Variants in DCC observed in about 807,000 individuals in gnomAD.
The protein encoded by DCC is DCC netrin 1 receptor.
Under a neutral mutation model 172.5 loss-of-function variants are expected in DCC, and 58 were observed. That is an observed-to-expected ratio of 0.34 (90% CI 0.27 to 0.42). The LOEUF (loss-of-function observed/expected upper bound fraction) is 0.42. DCC is among the 10% of genes least tolerant of loss of function. The pLI is 1.00. For synonymous variants in DCC, 709 were observed against 644.5 expected (o/e 1.10, Z -1.52); for missense variants, 1,740 against 1,791.0 (o/e 0.97, Z 0.51).
At chr18:52,551,652 A>G (rs1417985244) in intron 1 of DCC, among the ~76,000 whole-genome samples, 1 of 151,866 alleles carries the variant, frequency 6.6e-6, no homozygotes, top group Non-Finnish European at 1.5e-5. Context: ...TGAGCTACTC[A>G]AATTCATGAA....
chr18:53,177,980 CA>C (rs1340759144), intron 8 of DCC, among the ~76,000 whole-genome samples: 1 of 152,060 alleles, frequency 6.6e-6, no homozygotes, highest in Admixed American at 6.6e-5. Flanking sequence ...TGTCCAAAAC[CA>C]AAACATATCT....
Position 53,157,402 on chromosome 18 carries a change from C to A in DCC, c.1308C>A (p.Val436=), listed in dbSNP as rs760640870. The stretch of plus-strand genomic sequence containing the variant: ...TCCCTTCGGCTCCCAGAGATGTGGT[C>A]CCTGTCTTGGTTTCCAGCCGATTTG... The part of the protein sequence containing the change: ...SVLPSAPRDV[V]PVLVSSRFVR... Residue 436 remains valine, a synonymous_variant, in exon 8 of 29, where the codon GTC becomes GTA. Transcript: ENST00000442544. 3.1e-6 allele frequency: 5 copies of A among 1,614,144 alleles called. No individual in the cohort carries two copies. Among genetic ancestry groups the A allele is most frequent in the Non-Finnish European group, 4.2e-6 (5 of 1,180,000 alleles).
intron 5 of DCC, among the ~76,000 whole-genome samples, chr18:53,043,191 A>G (rs1044041303): frequency 2.0e-5 from 3 of 151,798 alleles, no homozygotes; most frequent in African/African-American, 4.8e-5. Context: ...GCTGGAAACC[A>G]TCATTCTCAC....
intron 1 of DCC, among the ~76,000 whole-genome samples, chr18:52,609,783 T>TA (rs1235825734): frequency 6.6e-6 from 1 of 151,652 alleles, no homozygotes; most frequent in Non-Finnish European, 1.5e-5. Context: ...AATTATAGGA[T>TA]AAAAAATGCT....
rs1042031626 is a variant in DCC at position 52,797,762 on chromosome 18, T to C, written c.412+45388T>C. Among the ~76,000 whole-genome samples, 4 of 152,214 alleles carry C rather than the reference T, an allele frequency of 2.6e-5. No homozygotes were observed. The East Asian group carries it at 7.7e-4, about 29-fold the overall frequency. On this transcript the variant is annotated intron_variant, in intron 2 of 28. Coordinates refer to ENST00000442544, the MANE Select transcript of DCC (RefSeq NM_005215.4). ...GTATGGGTGCTGGCAGCAGTGGTGA[T>C]GGGTGGGATGGAACCCCCAGTGGTA...
intron 1 of DCC, among the ~76,000 whole-genome samples, chr18:52,544,177 A>T (rs2032546089): frequency 6.6e-6 from 1 of 152,170 alleles, no homozygotes; most frequent in Non-Finnish European, 1.5e-5. Context: ...AGCTTTCATG[A>T]ATGTGAATTG....
intron 2 of DCC, among the ~76,000 whole-genome samples, chr18:52,848,295 C>T (rs994010208): frequency 6.6e-6 from 1 of 151,888 alleles, no homozygotes; most frequent in Non-Finnish European, 1.5e-5. Flanking sequence ...CCATGTTGGC[C>T]AGGCTAGTCT....
At chr18:52,474,244 A>AG (rs1568186675) in intron 1 of DCC, among the ~76,000 whole-genome samples, 749 of 32,150 alleles carry the variant, frequency 0.023, 24 homozygotes, top group South Asian at 0.044. Context: ...GAGAGAGAGA[A>AG]AGAGAGAGAA....
intron 13 of DCC, among the ~76,000 whole-genome samples, chr18:53,310,872 C>A (rs77209098): frequency 0.047 from 7,210 of 152,096 alleles, 226 homozygotes; most frequent in Non-Finnish European, 0.072. Flanking sequence ...ACTTAGCATT[C>A]AGGATAGAAA....
chr18:53,499,525 T>G lies in DCC; in HGVS notation c.4111+15T>G. On this transcript the variant is annotated intron_variant, in intron 27 of 28. Coordinates refer to ENST00000442544, the MANE Select transcript of DCC (RefSeq NM_005215.4). ...GTCTCAGCCAGGTAAAGTACTCGGT[T>G]GTTCACCTTTAAAATTCTTATTATT... 3.8e-6 allele frequency: 6 copies of G among 1,599,894 alleles called. No individual in the cohort carries two copies. Among genetic ancestry groups the G allele is most frequent in the Non-Finnish European group, 4.3e-6 (5 of 1,167,094 alleles).
At chr18:52,724,319 TA>T (rs2036519410) in intron 1 of DCC, among the ~76,000 whole-genome samples, 2 of 152,222 alleles carry the variant, frequency 1.3e-5, no homozygotes, top group African/African-American at 2.4e-5. Flanking sequence ...GTTATTTTAT[TA>T]TTTTTTTTAA....
chr18:52,875,229 CTTT>C (rs34506336), intron 2 of DCC, among the ~76,000 whole-genome samples: 1,540 of 148,620 alleles, frequency 0.01, 29 homozygotes, highest in African/African-American at 0.036. Flanking sequence ...AACAGCGAAA[CTTT>C]TTTTTTTTTC....
chr18:53,377,259 G>T (rs957461715), intron 15 of DCC, among the ~76,000 whole-genome samples: 15 of 152,072 alleles, frequency 9.9e-5, no homozygotes, highest in African/African-American at 3.6e-4. Context: ...TAGAGGCTGA[G>T]AAGTCCAAGG....
At chr18:52,786,572 C>A (rs182514897) in intron 2 of DCC, among the ~76,000 whole-genome samples, 166 of 152,220 alleles carry the variant, frequency 1.1e-3, no homozygotes, top group Non-Finnish European at 2.1e-3. Flanking sequence ...TTCTACATAG[C>A]TCTTTTGGAT....
chr18:53,117,055 A>G (rs1186945787), intron 7 of DCC, among the ~76,000 whole-genome samples: 2 of 151,718 alleles, frequency 1.3e-5, no homozygotes, highest in East Asian at 3.9e-4. Context: ...AGTAAAATGC[A>G]TATATAAGTC....
chr18:53,338,718 A>G (rs1350244766), intron 14 of DCC, among the ~76,000 whole-genome samples: 2 of 152,226 alleles, frequency 1.3e-5, no homozygotes, highest in Non-Finnish European at 2.9e-5. Flanking sequence ...TTATTAAAAC[A>G]TATTAATTTT....
At chr18:52,606,572 C>A (rs1227137005) in intron 1 of DCC, among the ~76,000 whole-genome samples, 1 of 152,072 alleles carries the variant, frequency 6.6e-6, no homozygotes. Flanking sequence ...CCAAAATATT[C>A]TCAGAAGATA....
intron 2 of DCC, among the ~76,000 whole-genome samples, chr18:52,885,511 C>A (rs1246999794): frequency 6.6e-6 from 1 of 152,064 alleles, no homozygotes; most frequent in Non-Finnish European, 1.5e-5. Flanking sequence ...CTTCTGTCAG[C>A]TTTTGGTAAA....
intron 19 of DCC, among the ~76,000 whole-genome samples, chr18:53,406,246 T>C (rs1394013980): frequency 2.6e-5 from 4 of 152,186 alleles, no homozygotes; most frequent in African/African-American, 7.2e-5. Flanking sequence ...TGTAAAATCA[T>C]CAAACCACTT....
Sources: allele counts gnomAD v4.1 joint callset (sites outside exome capture counted in the v4.1 genomes callset), GRCh38; gene constraint gnomAD v4.1.1; transcripts MANE v1.5; gene names NCBI Gene and HGNC (gene_info 2026-07-23, HGNC 2026-07-21).